CLVS1: variants seen among roughly 807,000 people sequenced by gnomAD.
CLVS1 encodes the protein clavesin 1.
CLVS1 carries 10 observed loss-of-function variants against 33.1 expected under a neutral mutation model. The ratio of observed to expected loss-of-function variants is 0.30; its 90% CI spans 0.19 to 0.51. The LOEUF (loss-of-function observed/expected upper bound fraction) is 0.51, where lower values mean the gene tolerates loss of function less well. Among genes scored for constraint, CLVS1 ranks in the 20% least tolerant of loss-of-function variants. The pLI is 0.97. For missense variants in CLVS1, 343 were observed against 433.4 expected (o/e 0.79, Z 1.85); for synonymous variants, 163 against 166.1 (o/e 0.98, Z 0.14).
intron 5 of CLVS1, among the ~76,000 whole-genome samples, chr8:61,477,996 A>G (rs1426530075): frequency 6.6e-6 from 1 of 151,072 alleles, no homozygotes; most frequent in Non-Finnish European, 1.5e-5. Context: ...ACTGCTTTGA[A>G]TGAGATTCTG....
At chr8:61,276,600 T>G (rs1359890120) in intron 2 of CLVS1, among the ~76,000 whole-genome samples, 1 of 152,236 alleles carries the variant, frequency 6.6e-6, no homozygotes, top group Non-Finnish European at 1.5e-5. Flanking sequence ...TGCTCACATA[T>G]TCAGCTCCTT....
intron 3 of CLVS1, among the ~76,000 whole-genome samples, chr8:61,418,966 C>T (rs1241240984): frequency 6.7e-6 from 1 of 150,322 alleles, no homozygotes; most frequent in Non-Finnish European, 1.5e-5. Flanking sequence ...CCATGTTTGG[C>T]CCTAGAACCA....
At chr8:61,136,622 G>A (rs1806194671) in intron 2 of CLVS1, among the ~76,000 whole-genome samples, 2 of 152,178 alleles carry the variant, frequency 1.3e-5, no homozygotes, top group South Asian at 4.1e-4. Context: ...TTACATGTGG[G>A]TGCTAAATGA....
At chr8:61,319,454 C>T (rs1811121359) in intron 2 of CLVS1, among the ~76,000 whole-genome samples, 2 of 152,298 alleles carry the variant, frequency 1.3e-5, no homozygotes, top group East Asian at 1.9e-4. Flanking sequence ...TCTCTTCACT[C>T]CTGTTACAAC....
chr8:61,253,736 G>C (rs191616690), intron 2 of CLVS1, among the ~76,000 whole-genome samples: 2 of 152,080 alleles, frequency 1.3e-5, no homozygotes, highest in African/African-American at 4.8e-5. Context: ...TTATGCATTC[G>C]TCACGTAGTT....
intron 2 of CLVS1, among the ~76,000 whole-genome samples, chr8:61,154,744 TGAG>T (rs1218916247): frequency 1.3e-5 from 2 of 152,236 alleles, no homozygotes; most frequent in East Asian, 1.9e-4. Context: ...TGTGATAATT[TGAG>T]GAGATCTATC....
chr8:61,143,932 C>T (rs1328705491), intron 2 of CLVS1, among the ~76,000 whole-genome samples: 1 of 149,464 alleles, frequency 6.7e-6, no homozygotes, highest in Non-Finnish European at 1.5e-5. Flanking sequence ...AGAGATGAAA[C>T]ATCTTATTGA....
chr8:61,037,153 T>C, the CLVS1 span, among the ~76,000 whole-genome samples: 486 of 152,328 alleles, frequency 3.2e-3, 7 homozygotes, highest in African/African-American at 0.011. Flanking sequence ...AAAAATTGTG[T>C]CAAAATAGAC....
the CLVS1 span, among the ~76,000 whole-genome samples, chr8:60,999,689 G>A: frequency 2.0e-5 from 3 of 152,210 alleles, no homozygotes; most frequent in African/African-American, 7.2e-5. Context: ...AAAGCAAGAG[G>A]GAGCTAGGTG....
chr8:61,072,569 A>T (rs995928873), intron 1 of CLVS1, among the ~76,000 whole-genome samples: 4 of 152,266 alleles, frequency 2.6e-5, no homozygotes, highest in African/African-American at 9.6e-5. Context: ...CATTCTAAAC[A>T]GATGCATTTG....
At position 61,396,136 on chromosome 8, in the gene CLVS1, A is replaced by G. The variant is rs79025063; in HGVS notation, c.630+19357A>G. On this transcript the variant is annotated intron_variant, in intron 3 of 5. Coordinates refer to ENST00000325897, the MANE Select transcript of CLVS1 (RefSeq NM_173519.3). The stretch of plus-strand genomic sequence containing the variant: ...TCCTTTTCACTTTATCCCTAGAGCC[A>G]CTGCTTTGATTTGGGACTTCATTAG... Among the ~76,000 whole-genome samples, 542 of 152,306 alleles carry G rather than the reference A, an allele frequency of 3.6e-3. 3 individuals are homozygous for G. Among genetic ancestry groups the G allele is most frequent in the African/African-American group, 0.012 (517 of 41,572 alleles).
At chr8:61,453,997 T>C in intron 3 of CLVS1, 144 bp from the exon 4 acceptor site, 1 of 683,426 alleles carries the variant, frequency 1.5e-6, no homozygotes, top group East Asian at 2.5e-5. Flanking sequence ...AGGAAGTGAG[T>C]GTGTTTTCTT....
intron 5 of CLVS1, among the ~76,000 whole-genome samples, chr8:61,486,327 G>A (rs1249820909): frequency 6.6e-6 from 1 of 152,126 alleles, no homozygotes; most frequent in African/African-American, 2.4e-5. Context: ...AAGAATAAAT[G>A]AAGGAATTAA....
the CLVS1 span, among the ~76,000 whole-genome samples, chr8:61,011,947 T>G: frequency 6.6e-6 from 1 of 152,230 alleles, no homozygotes; most frequent in African/African-American, 2.4e-5. Context: ...CCCGCCTGCC[T>G]GGTCACTGCC....
At chr8:61,155,279 G>A (rs575959021) in intron 2 of CLVS1, among the ~76,000 whole-genome samples, 1 of 152,292 alleles carries the variant, frequency 6.6e-6, no homozygotes, top group South Asian at 2.1e-4. Flanking sequence ...TACAAGGACT[G>A]TTTCCCCAAT....
chr8:61,244,820 A>G (rs1414292277), intron 2 of CLVS1, among the ~76,000 whole-genome samples: 14 of 152,136 alleles, frequency 9.2e-5, no homozygotes, highest in Admixed American at 9.2e-4. Context: ...ATTGATTTTA[A>G]TCTTTTAAAA....
the CLVS1 span, among the ~76,000 whole-genome samples, chr8:60,998,728 C>G: frequency 6.6e-6 from 1 of 152,094 alleles, no homozygotes; most frequent in Non-Finnish European, 1.5e-5. Flanking sequence ...AAGGAAGAAT[C>G]CACAGCAAAG....
chr8:61,067,105 G>A (rs1197923916), intron 1 of CLVS1, among the ~76,000 whole-genome samples: 1 of 152,024 alleles, frequency 6.6e-6, no homozygotes, highest in Admixed American at 6.6e-5. Flanking sequence ...TGTGACATGA[G>A]GGGGGATGAA....
At chr8:61,476,673 C>T (rs1817947038) in intron 5 of CLVS1, among the ~76,000 whole-genome samples, 1 of 152,186 alleles carries the variant, frequency 6.6e-6, no homozygotes, top group Non-Finnish European at 1.5e-5. Context: ...GCTGAAGTTG[C>T]TTATCAACTT....
Sources: gnomAD v4.1 joint callset for allele counts (sites outside exome capture counted in the v4.1 genomes callset) on GRCh38, gnomAD v4.1.1 for gene constraint, MANE v1.5 for transcripts, NCBI Gene and HGNC (gene_info 2026-07-23, HGNC 2026-07-21) for gene names.